Variants in MGAT4C observed in about 807,000 individuals in gnomAD.
The protein encoded by MGAT4C is alpha-1,3-mannosyl-glycoprotein 4-beta-N-acetylglucosaminyltransferase C.
MGAT4C carries 19 observed loss-of-function variants against 40.1 expected under a neutral mutation model. The ratio of observed to expected loss-of-function variants is 0.47; its 90% CI spans 0.33 to 0.70. MGAT4C has a LOEUF of 0.70. MGAT4C is among the 30% of genes least tolerant of loss of function. The pLI, the probability that MGAT4C is intolerant of heterozygous loss-of-function variation, is 0.02. For synonymous variants in MGAT4C, 181 were observed against 187.1 expected, an observed-to-expected ratio of 0.97 and a Z score of 0.27; for missense variants, 491 against 563.2, an observed-to-expected ratio of 0.87 and a Z score of 1.30.
At chr12:86,692,485 A>G (rs1950188479) in intron 2 of MGAT4C, among the ~76,000 whole-genome samples, 2 of 152,184 alleles carry the variant, frequency 1.3e-5, no homozygotes, top group African/African-American at 2.4e-5. Context: ...CAAAGACTCA[A>G]TTTTGTAAAG....
chr12:86,316,252 T>C (rs1592687922), intron 4 of MGAT4C, among the ~76,000 whole-genome samples: 1 of 152,184 alleles, frequency 6.6e-6, no homozygotes, highest in South Asian at 2.1e-4. Flanking sequence ...AAGGGAATGC[T>C]TATACACTGT....
At chr12:86,593,093 T>C (rs1961397045) in intron 2 of MGAT4C, among the ~76,000 whole-genome samples, 1 of 152,012 alleles carries the variant, frequency 6.6e-6, no homozygotes, top group Non-Finnish European at 1.5e-5. Flanking sequence ...TCTTTCTAGA[T>C]TGTGTTTCTC....
At chr12:86,424,752 A>G in intron 3 of MGAT4C, among the ~76,000 whole-genome samples, 1 of 152,234 alleles carries the variant, frequency 6.6e-6, no homozygotes, top group East Asian at 1.9e-4. Flanking sequence ...AGGTACTACT[A>G]AAAATATATA....
chr12:86,618,706 G>A (rs903056142), intron 2 of MGAT4C, among the ~76,000 whole-genome samples: 14 of 152,136 alleles, frequency 9.2e-5, no homozygotes, highest in African/African-American at 3.1e-4. Flanking sequence ...ATAAAAAGAG[G>A]TAGATTAATG....
chr12:86,305,534 C>T (rs1355222831), intron 4 of MGAT4C, among the ~76,000 whole-genome samples: 2 of 148,998 alleles, frequency 1.3e-5, no homozygotes, highest in African/African-American at 5.1e-5. Context: ...TTTCAATGTT[C>T]TATGTAACAA....
In MGAT4C at chr12:86,388,681, T is replaced by TG. The variant is rs1426116582; in HGVS notation, c.-120+46475_-120+46476insC. Among the ~76,000 whole-genome samples, 169 of 139,946 alleles carry TG rather than the reference T, an allele frequency of 1.2e-3. 1 individual carries two copies. Among genetic ancestry groups the TG allele is most frequent in the South Asian group, 6.9e-3 (31 of 4,464 alleles). The allele number at this position is 139,946 out of a possible 152,430, so 91.8% of individuals were successfully genotyped here. A position where few individuals can be genotyped will look rare whatever the true frequency, so the allele number is the denominator to read the frequency against. On this transcript the variant is annotated intron_variant, in intron 3 of 7. Transcript: ENST00000548651. The stretch of plus-strand genomic sequence containing the variant: ...AAACACTTCAGCGTTTTTTGTTTTT[T>TG]TTTTTTTTTTTTTTTTTTAGACAGA...
chr12:86,014,784 C>T (rs75717871), intron 2 of MGAT4C, among the ~76,000 whole-genome samples: 10,771 of 151,836 alleles, frequency 0.071, 537 homozygotes, highest in Middle Eastern at 0.23. Flanking sequence ...CAATGAGGAG[C>T]GCCAAGGAGT....
chr12:86,471,218 T>G (rs1227738321), intron 2 of MGAT4C, among the ~76,000 whole-genome samples: 1 of 151,958 alleles, frequency 6.6e-6, no homozygotes, highest in East Asian at 1.9e-4. Context: ...TAGATAAACA[T>G]AAAAGATAAT....
chr12:86,168,493 G>C (rs528832745), intron 1 of MGAT4C, among the ~76,000 whole-genome samples: 1 of 152,046 alleles, frequency 6.6e-6, no homozygotes, highest in Admixed American at 6.6e-5. Flanking sequence ...AAAAATGTCA[G>C]TGCCAAAGAT....
intron 2 of MGAT4C, among the ~76,000 whole-genome samples, chr12:86,541,817 A>G (rs1345660288): frequency 6.6e-6 from 1 of 152,192 alleles, no homozygotes; most frequent in African/African-American, 2.4e-5. Flanking sequence ...CTTAAGCTTC[A>G]TGTCATCTTT....
At chr12:86,440,178 A>T (rs2136277208) in intron 2 of MGAT4C, among the ~76,000 whole-genome samples, 1 of 152,230 alleles carries the variant, frequency 6.6e-6, no homozygotes, top group Middle Eastern at 3.4e-3. Flanking sequence ...AAACAACAAC[A>T]AAAATACTAC....
At chr12:86,552,664 T>A (rs1002083964) in intron 2 of MGAT4C, among the ~76,000 whole-genome samples, 1 of 152,026 alleles carries the variant, frequency 6.6e-6, no homozygotes, top group Admixed American at 6.6e-5. Flanking sequence ...TGTGCCAATT[T>A]AAAAATATAC....
chr12:86,467,590 G>A (rs921716069), intron 2 of MGAT4C, among the ~76,000 whole-genome samples: 1 of 151,802 alleles, frequency 6.6e-6, no homozygotes, highest in African/African-American at 2.4e-5. Flanking sequence ...AAACATTATT[G>A]TAAATACAGA....
chr12:86,256,739 A>T (rs1344574619), upstream of MGAT4C, among the ~76,000 whole-genome samples: 1 of 152,174 alleles, frequency 6.6e-6, no homozygotes, highest in African/African-American at 2.4e-5. Context: ...ATTAAAGGAC[A>T]AGATGTATGT....
intron 2 of MGAT4C, among the ~76,000 whole-genome samples, chr12:86,590,881 G>GA (rs1961303022): frequency 6.6e-6 from 1 of 151,892 alleles, no homozygotes; most frequent in African/African-American, 2.4e-5. Flanking sequence ...ATTTTAATCA[G>GA]ATACAAATGA....
intron 4 of MGAT4C, among the ~76,000 whole-genome samples, chr12:86,321,055 GAA>G (rs949860476): frequency 1.3e-5 from 2 of 151,764 alleles, no homozygotes; most frequent in Admixed American, 1.3e-4. Context: ...TCTTTTAATA[GAA>G]AAAAACTAGA....
At chr12:86,079,270 T>C (rs1009516252) in intron 1 of MGAT4C, among the ~76,000 whole-genome samples, 1 of 152,176 alleles carries the variant, frequency 6.6e-6, no homozygotes, top group Non-Finnish European at 1.5e-5. Context: ...ATTTACTCAA[T>C]GGAATAAAAA....
intron 4 of MGAT4C, among the ~76,000 whole-genome samples, chr12:86,268,670 TATATATATACATATATAC>T (rs1223926919): frequency 1.6e-4 from 23 of 147,084 alleles, no homozygotes; most frequent in Admixed American, 1.2e-3. Flanking sequence ...ACTACATATA[TATATATATACATATATAC>T]ATATATATAC....
At chr12:86,436,924 T>C (rs1957147871) in intron 2 of MGAT4C, among the ~76,000 whole-genome samples, 1 of 151,790 alleles carries the variant, frequency 6.6e-6, no homozygotes, top group Non-Finnish European at 1.5e-5. Context: ...ACCTATTGAT[T>C]ATTTGCTAAG....
Sources: gnomAD v4.1 joint callset for allele counts (sites outside exome capture counted in the v4.1 genomes callset) on GRCh38, gnomAD v4.1.1 for gene constraint, MANE v1.5 for transcripts, NCBI Gene and HGNC (gene_info 2026-07-23, HGNC 2026-07-21) for gene names.